RASGRF2: variants seen among roughly 807,000 people sequenced by gnomAD.
RASGRF2 encodes the protein ras-specific guanine nucleotide-releasing factor 2.
In RASGRF2, 76 loss-of-function variants were observed where a neutral mutation model predicts 151.0. The observed-to-expected ratio is 0.50, with a 90% CI of 0.42 to 0.61. RASGRF2 has a LOEUF of 0.61. RASGRF2 is among the 20% of genes least tolerant of loss of function. The pLI, the probability that RASGRF2 is intolerant of heterozygous loss-of-function variation, is 0.00. For missense variants in RASGRF2, 1,148 were observed against 1,564.6 expected (o/e 0.73, Z 4.49); for synonymous variants, 504 against 566.5 (o/e 0.89, Z 1.57).
At chr5:80,965,174 G>A (rs1181450769) in intron 1 of RASGRF2, among the ~76,000 whole-genome samples, 1 of 152,038 alleles carries the variant, frequency 6.6e-6, no homozygotes, top group Non-Finnish European at 1.5e-5. Context: ...TTGACCACAA[G>A]CAGAGGATTT....
At chr5:81,203,375 G>A (rs1755438789) in intron 19 of RASGRF2, among the ~76,000 whole-genome samples, 2 of 152,172 alleles carry the variant, frequency 1.3e-5, no homozygotes, top group Non-Finnish European at 2.9e-5. Flanking sequence ...AGACGCCCAT[G>A]CCAGACTTTA....
chr5:81,077,077 T>C (rs1347760347), intron 5 of RASGRF2, among the ~76,000 whole-genome samples: 1 of 152,090 alleles, frequency 6.6e-6, no homozygotes, highest in Non-Finnish European at 1.5e-5. Flanking sequence ...GGAAAGAAAG[T>C]AGTGCTGGTA....
At chr5:81,201,297 C>T in intron 18 of RASGRF2, 33 bp from the exon 19 acceptor site, 2 of 1,596,472 alleles carry the variant, frequency 1.3e-6, no homozygotes, top group Admixed American at 1.8e-5. Flanking sequence ...CCTTTCAAAG[C>T]TAAAATTTAA....
In RASGRF2 at chr5:81,094,924, G is replaced by T. The variant is rs767949973; in HGVS notation, c.1687G>T (p.Ala563Ser). 3.7e-6 allele frequency: 6 copies of T among 1,602,984 alleles called. No homozygotes were observed. The highest frequency in any genetic ancestry group is 2.6e-6 in the Non-Finnish European group (3 of 1,172,162). The change falls in exon 12 of 27, where the codon GCC (alanine) becomes TCC (serine). Residue 563 changes from alanine to serine, a missense_variant. By Grantham distance (99) the Ala-to-Ser change is moderately conservative. Transcript: ENST00000265080. The stretch of plus-strand genomic sequence containing the variant: ...AGTGGTGGAGCCTCCTGACGCTGCC[G>T]CCTTCACTGTTGTCTTGTTAGCACC... ...KIVVEPPDAA[A>S]FTVVLLAPSR...
chr5:81,114,927 G>A (rs557281552), intron 15 of RASGRF2: 1 of 152,262 alleles, frequency 6.6e-6, no homozygotes, highest in African/African-American at 2.4e-5. Flanking sequence ...CATCATTTTA[G>A]CTTTCTCAGC....
intron 18 of RASGRF2, among the ~76,000 whole-genome samples, chr5:81,189,017 T>C (rs1301827071): frequency 6.6e-6 from 1 of 152,260 alleles, no homozygotes; most frequent in Non-Finnish European, 1.5e-5. Context: ...AAGTTACTTT[T>C]GACCCTGAGT....
chr5:81,212,337 T>G (rs1755645839), intron 22 of RASGRF2, 29 bp from the exon 23 acceptor site: 10 of 1,552,604 alleles, frequency 6.4e-6, no homozygotes, highest in Admixed American at 3.7e-5. Flanking sequence ...GCTCTTAGAC[T>G]GCCTTTCGGG....
chr5:81,198,057 A>G (rs1755306281), intron 18 of RASGRF2, among the ~76,000 whole-genome samples: 1 of 152,170 alleles, frequency 6.6e-6, no homozygotes, highest in Non-Finnish European at 1.5e-5. Context: ...GAAATCATTC[A>G]CATGTTTAAC....
chr5:81,135,257 T>C (rs1030817237), intron 17 of RASGRF2, among the ~76,000 whole-genome samples: 4 of 152,068 alleles, frequency 2.6e-5, no homozygotes, highest in Non-Finnish European at 4.4e-5. Flanking sequence ...CAGTGAGTAA[T>C]GATCGTGCTC....
chr5:81,137,699 T>A (rs1315486455), intron 17 of RASGRF2, among the ~76,000 whole-genome samples: 1 of 152,218 alleles, frequency 6.6e-6, no homozygotes, highest in Non-Finnish European at 1.5e-5. Context: ...GACGGCCACC[T>A]ACAAGCCAAA....
At chr5:81,034,871 G>A (rs1329897381) in intron 1 of RASGRF2, among the ~76,000 whole-genome samples, 1 of 151,382 alleles carries the variant, frequency 6.6e-6, no homozygotes, top group East Asian at 1.9e-4. Context: ...TGGGTGCAGT[G>A]CACCAGCATG....
rs1213870008 is a variant in RASGRF2, at chr5:81,197,450, G to A, written c.2794-3880G>A. On this transcript the variant is annotated intron_variant, in intron 18 of 26. Transcript: ENST00000265080. Reference sequence around the variant, plus strand: ...CGCAATCCGGCCTGGGCGACAGAGCGAGACTCCGTCTCAAAAAAAAAAAAA... The same window carrying A: ...CGCAATCCGGCCTGGGCGACAGAGCAAGACTCCGTCTCAAAAAAAAAAAAA... Among the ~76,000 whole-genome samples, 9 of 101,830 alleles carry A rather than the reference G, an allele frequency of 8.8e-5. No homozygotes were observed. In the East Asian group the frequency reaches 9.5e-4, roughly 11 times the overall value. The allele number at this position is 101,830 out of a possible 152,430, so 66.8% of individuals were successfully genotyped here.
At chr5:81,056,699 C>T (rs933963286) in intron 2 of RASGRF2, among the ~76,000 whole-genome samples, 14 of 152,200 alleles carry the variant, frequency 9.2e-5, no homozygotes, top group Admixed American at 2.0e-4. Flanking sequence ...CTTTCTGTCT[C>T]GTGGATCTGT....
chr5:81,110,859 G>A (rs1752973690), intron 13 of RASGRF2, among the ~76,000 whole-genome samples: 1 of 152,160 alleles, frequency 6.6e-6, no homozygotes, highest in Non-Finnish European at 1.5e-5. Context: ...AAAGAGCCTT[G>A]TTATTTTCAA....
chr5:81,051,700 A>G (rs1175455399), intron 2 of RASGRF2, among the ~76,000 whole-genome samples: 6 of 152,214 alleles, frequency 3.9e-5, no homozygotes, highest in Admixed American at 3.9e-4. Context: ...GTATGGATAT[A>G]CCACATTTTA....
At chr5:80,978,452 C>CT (rs1181470750) in intron 1 of RASGRF2, among the ~76,000 whole-genome samples, 4 of 152,096 alleles carry the variant, frequency 2.6e-5, no homozygotes, top group African/African-American at 9.7e-5. Context: ...TCTTCAAGGA[C>CT]TTTTTTCTAT....
chr5:81,201,410 C>G lies in RASGRF2; in HGVS notation c.2874C>G (p.Pro958=). ...EEVLRDPDLL[P]QERKAAANIL... ...TTTTGCGAGACCCAGACCTTCTTCC[C>G]CAAGAAAGGAAAGCCGCCGCGAATA... The change falls in exon 19 of 27, where the codon CCC becomes CCG. Residue 958 remains proline (P), a synonymous_variant. Transcript: ENST00000265080. 1 of 1,613,786 alleles carries G rather than the reference C, an allele frequency of 6.2e-7. No individual in the cohort carries two copies. The highest frequency in any genetic ancestry group is 8.5e-7 in the Non-Finnish European group (1 of 1,179,884).
chr5:81,082,818 G>T (rs1207612989), intron 7 of RASGRF2, among the ~76,000 whole-genome samples: 2 of 152,214 alleles, frequency 1.3e-5, no homozygotes, highest in Non-Finnish European at 2.9e-5. Flanking sequence ...TCAAAGAGTT[G>T]AGCCAGAATT....
In RASGRF2 at chr5:81,174,543, G is replaced by T. The variant is rs1317459869; in HGVS notation, c.2687-5632G>T. 8.5e-5 allele frequency among the ~76,000 whole-genome samples: 13 copies of T among 152,340 alleles called. No individual in the cohort carries two copies. In the East Asian group the frequency reaches 2.5e-3, roughly 29 times the overall value. On this transcript the variant is annotated intron_variant, in intron 17 of 26. Coordinates refer to ENST00000265080, the MANE Select transcript of RASGRF2 (RefSeq NM_006909.3). ...CAGAGCAAAGCAGGCACAGTGACAA[G>T]AGGAGAAGCATCTTCTGCTTTTTCC...
Sources: gnomAD v4.1 joint callset for allele counts (sites outside exome capture counted in the v4.1 genomes callset) on GRCh38, gnomAD v4.1.1 for gene constraint, MANE v1.5 for transcripts, NCBI Gene and HGNC (gene_info 2026-07-23, HGNC 2026-07-21) for gene names.